DIP2C: variants seen among roughly 807,000 people sequenced by gnomAD.
DIP2C encodes disco-interacting protein 2 homolog C.
A neutral mutation model predicts 192.4 loss-of-function variants in DIP2C; 33 were observed. That is an observed-to-expected ratio of 0.17 (90% CI 0.13 to 0.23). The LOEUF is 0.23. DIP2C is among the 10% of genes least tolerant of loss of function. The pLI, the probability that DIP2C is intolerant of heterozygous loss-of-function variation, is 1.00. For missense variants in DIP2C, 1,537 were observed against 2,110.1 expected, an observed-to-expected ratio of 0.73 and a Z score of 5.32; for synonymous variants, 979 against 864.1, an observed-to-expected ratio of 1.13 and a Z score of -2.33.
At chr10:459,511 C>A (rs1400803682) in intron 3 of DIP2C, among the ~76,000 whole-genome samples, 1 of 152,240 alleles carries the variant, frequency 6.6e-6, no homozygotes, top group African/African-American at 2.4e-5. Flanking sequence ...AGTAGCTCCA[C>A]CCACATCACA....
At chr10:643,830 C>T (rs1855320933) in intron 1 of DIP2C, among the ~76,000 whole-genome samples, 1 of 152,212 alleles carries the variant, frequency 6.6e-6, no homozygotes, top group Admixed American at 6.5e-5. Context: ...TTACTGTTCA[C>T]AAATGTTCCA....
Position 501,177 on chromosome 10 carries a change from T to A in DIP2C, c.86-14647A>T, listed in dbSNP as rs186339675. On this transcript the variant is annotated intron_variant, in intron 1 of 36. Transcript: ENST00000280886. ...TTGCAGGGAGGAAAGCAGAGATGAT[T>A]CCTGGTGCAACATGTAAATGTGGTA... Among the ~76,000 whole-genome samples, 304 of 152,338 alleles carry A rather than the reference T, an allele frequency of 2.0e-3. 1 individual carries two copies. The highest frequency in any genetic ancestry group is 0.014 in the Middle Eastern group (4 of 294).
intron 3 of DIP2C, among the ~76,000 whole-genome samples, chr10:447,469 T>C (rs12784953): frequency 0.13 from 5,335 of 41,124 alleles, no homozygotes; most frequent in Middle Eastern, 0.16. Context: ...ACCCGCTCAC[T>C]CCCATCGATA....
intron 3 of DIP2C, 99 bp downstream of exon 3, chr10:472,340 A>C (rs994829865): frequency 9.0e-7 from 1 of 1,114,352 alleles, no homozygotes; most frequent in Non-Finnish European, 1.3e-6. Context: ...CTGCAGGTCC[A>C]CGCCCACTGC....
At chr10:442,659 C>G (rs950111450) in intron 3 of DIP2C, among the ~76,000 whole-genome samples, 1 of 152,232 alleles carries the variant, frequency 6.6e-6, no homozygotes, top group Non-Finnish European at 1.5e-5. Context: ...CCCGCTCCCC[C>G]ATGAATTTTC....
chr10:413,436 A>G (rs1965312217), intron 8 of DIP2C, among the ~76,000 whole-genome samples: 1 of 152,254 alleles, frequency 6.6e-6, no homozygotes, highest in Non-Finnish European at 1.5e-5. Flanking sequence ...GCATTTCAAT[A>G]AATCACACAT....
In DIP2C at chr10:422,857, T is replaced by C. The variant is rs901839697; in HGVS notation, c.571A>G (p.Arg191Gly). The change falls in exon 5 of 37, where the codon AGG becomes GGG. Residue 191 changes from arginine (R) to glycine (G), a missense_variant. Arg to Gly is a moderately radical substitution (Grantham distance 125). Around this residue, in one of 4 missense-constraint regions of DIP2C, gnomAD observed 473 missense variants for 539.6 expected, o/e 0.88. Coordinates refer to ENST00000280886, the MANE Select transcript of DIP2C (RefSeq NM_014974.3). Reference sequence around the variant, plus strand: ...GTCTGAGCCATGACGTCCGCCAGCCTGTGGGCAGCCCCGCTGCCCCCGCTC... The same window carrying C: ...GTCTGAGCCATGACGTCCGCCAGCCCGTGGGCAGCCCCGCTGCCCCCGCTC... ...TQSGGSGAAH[R>G]LADVMAQTHI... 1.2e-6 allele frequency: 2 copies of C among 1,612,722 alleles called. No individual in the cohort carries two copies. Among genetic ancestry groups the C allele is most frequent in the African/African-American group, 2.7e-5 (2 of 74,924 alleles).
chr10:477,840 A>G (rs926441711), intron 2 of DIP2C, among the ~76,000 whole-genome samples: 10 of 138,864 alleles, frequency 7.2e-5, no homozygotes, highest in African/African-American at 2.5e-4. Flanking sequence ...AGAAGGGAGA[A>G]AGAAAAAAGG....
At chr10:607,576 G>A (rs888141175) in intron 1 of DIP2C, among the ~76,000 whole-genome samples, 1 of 152,184 alleles carries the variant, frequency 6.6e-6, no homozygotes, top group Admixed American at 6.5e-5. Context: ...AGCATAAGCT[G>A]AAAATATCCT....
intron 1 of DIP2C, among the ~76,000 whole-genome samples, chr10:549,951 A>G (rs1848500047): frequency 6.6e-6 from 1 of 151,404 alleles, no homozygotes; most frequent in Non-Finnish European, 1.5e-5. Context: ...CCCCAACACA[A>G]GGTCTACCTT....
intron 29 of DIP2C, among the ~76,000 whole-genome samples, chr10:332,800 G>C (rs1471319433): frequency 6.6e-6 from 1 of 152,236 alleles, no homozygotes; most frequent in African/African-American, 2.4e-5. Flanking sequence ...CAACAAGACA[G>C]GTTCATCTCA....
At chr10:684,028 G>C (rs115632950) in intron 1 of DIP2C, among the ~76,000 whole-genome samples, 4 of 152,216 alleles carry the variant, frequency 2.6e-5, no homozygotes, top group South Asian at 2.1e-4. Flanking sequence ...GGCCCCTAAC[G>C]GCACCTGGAG....
chr10:515,334 T>A (rs1257943837), intron 1 of DIP2C, among the ~76,000 whole-genome samples: 1 of 152,210 alleles, frequency 6.6e-6, no homozygotes, highest in Non-Finnish European at 1.5e-5. Context: ...GCATAGTTAT[T>A]TACCTAGCTG....
chr10:356,055 G>A (rs191154391), intron 24 of DIP2C, among the ~76,000 whole-genome samples: 2 of 152,288 alleles, frequency 1.3e-5, no homozygotes, highest in East Asian at 3.9e-4. Context: ...ACTCTAGCCT[G>A]GGCAACAGAG....
intron 1 of DIP2C, among the ~76,000 whole-genome samples, chr10:501,782 GGCCAGGCACTGT>G (rs1471582310): frequency 1.3e-5 from 2 of 152,090 alleles, no homozygotes; most frequent in Non-Finnish European, 1.5e-5. Context: ...ACCGACCACA[GGCCAGGCACTGT>G]GCCAGGTATT....
At chr10:613,879 C>T (rs540883127) in intron 1 of DIP2C, among the ~76,000 whole-genome samples, 1 of 152,248 alleles carries the variant, frequency 6.6e-6, no homozygotes, top group South Asian at 2.1e-4. Context: ...TCTCGGCCAT[C>T]TGATGGCATC....
intron 1 of DIP2C, among the ~76,000 whole-genome samples, chr10:567,969 C>T (rs1331556722): frequency 6.6e-6 from 1 of 152,194 alleles, no homozygotes; most frequent in African/African-American, 2.4e-5. Context: ...GCTCCCATCC[C>T]ATCCCAGGAC....
intron 1 of DIP2C, among the ~76,000 whole-genome samples, chr10:545,189 T>TTTTTTTTTTTG (rs1848221668): frequency 2.1e-5 from 3 of 145,330 alleles, no homozygotes; most frequent in Non-Finnish European, 4.5e-5. Flanking sequence ...TTTTTTTTTT[T>TTTTTTTTTTTG]GAGTTTCACT....
At chr10:647,840 C>A (rs568698630) in intron 1 of DIP2C, among the ~76,000 whole-genome samples, 1 of 148,234 alleles carries the variant, frequency 6.7e-6, no homozygotes, top group South Asian at 2.2e-4. Context: ...GAGTCCACGT[C>A]CACATTTGAC....
Sources: gnomAD v4.1 joint callset for allele counts (sites outside exome capture counted in the v4.1 genomes callset) on GRCh38, gnomAD v4.1.1 for gene constraint, gnomAD v4.1.1 regional missense constraint, MANE v1.5 for transcripts, NCBI Gene and HGNC (gene_info 2026-07-23, HGNC 2026-07-21) for gene names.